The following MAP2 variants were observed in gnomAD, a reference collection of about 807,000 sequenced individuals.
The protein encoded by MAP2 is microtubule associated protein 2.
Under a neutral mutation model 137.6 loss-of-function variants are expected in MAP2, and 14 were observed. That is an observed-to-expected ratio of 0.10 (90% CI 0.07 to 0.16). The LOEUF is 0.16. MAP2 is among the 10% of genes least tolerant of loss of function. The pLI, the probability that MAP2 is intolerant of heterozygous loss-of-function variation, is 1.00. For synonymous variants in MAP2, 786 were observed against 782.3 expected, an observed-to-expected ratio of 1.00 and a Z score of -0.08; for missense variants, 2,088 against 2,191.5, an observed-to-expected ratio of 0.95 and a Z score of 0.94.
chr2:209,470,740 A>G (rs1705474928), intron 1 of MAP2, among the ~76,000 whole-genome samples: 1 of 152,012 alleles, frequency 6.6e-6, no homozygotes, highest in Admixed American at 6.6e-5. Context: ...TGGCTATACT[A>G]ACTCCCAAGT....
intron 1 of MAP2, among the ~76,000 whole-genome samples, chr2:209,436,030 A>ATACAG (rs1553537349): frequency 1.3e-3 from 172 of 136,954 alleles, no homozygotes; most frequent in East Asian, 3.2e-3. Context: ...TATAAAATAT[A>ATACAG]TATATATGTA....
chr2:209,705,707 C>A lies in MAP2; in HGVS notation c.4712C>A (p.Ser1571Tyr). 6.2e-7 allele frequency: 1 copy of A among 1,612,742 alleles called. No homozygotes were observed. The highest frequency in any genetic ancestry group is 8.5e-7 in the Non-Finnish European group (1 of 1,179,184). ...NSFSLNSSIS[S>Y]SARRTTRSEP... ...TTCTCTCTCAACAGTTCTATCTCTT[C>A]TTCAGCACGGCGGACCACCAGTAGG... Residue 1571 changes from serine (S) to tyrosine (Y), a missense_variant, in exon 12 of 16, where the codon TCT (serine) becomes TAT (tyrosine). Ser to Tyr is a moderately radical substitution (Grantham distance 144, BLOSUM62 -2). Around this residue, in one of 6 missense-constraint regions of MAP2, gnomAD observed 591 missense variants for 642.6 expected, o/e 0.92. Coordinates refer to ENST00000682079, the MANE Select transcript of MAP2 (RefSeq NM_001375505.1).
At chr2:209,536,631 G>A (rs756037312) in intron 2 of MAP2, among the ~76,000 whole-genome samples, 13 of 152,158 alleles carry the variant, frequency 8.5e-5, no homozygotes, top group Non-Finnish European at 1.8e-4. Context: ...CCTTGTCTGT[G>A]TCTTGGGTGA....
chr2:209,610,496 G>C (rs2086466956), intron 3 of MAP2, among the ~76,000 whole-genome samples: 1 of 151,466 alleles, frequency 6.6e-6, no homozygotes, highest in Non-Finnish European at 1.5e-5. Context: ...GGCGAAATTT[G>C]CTGGATGATA....
Position 209,692,710 on chromosome 2 carries a change from G to A in MAP2, c.540G>A (p.Lys180=), listed in dbSNP as rs764438689. Residue 180 remains lysine, a synonymous_variant, in exon 8 of 16, where the codon AAG becomes AAA. Transcript: ENST00000682079. ...STAEPSDQKE[K]ESEKQSKPGE... The stretch of plus-strand genomic sequence containing the variant: ...CTGAGCCTTCAGACCAGAAGGAAAA[G>A]GAGTCAGAGAAGCAAAGTAAGCCTG... 6.2e-7 allele frequency: 1 copy of A among 1,613,962 alleles called. No homozygotes were observed. The highest frequency in any genetic ancestry group is 1.7e-5 in the Admixed American group (1 of 59,982).
intron 2 of MAP2, chr2:209,579,530 C>G (rs1267398845): frequency 6.6e-6 from 1 of 152,254 alleles, no homozygotes; most frequent in African/African-American, 2.4e-5. Flanking sequence ...AGTGAGCTCT[C>G]TCCCTCTCTC....
At chr2:209,540,106 A>AG (rs1156725470) in intron 2 of MAP2, among the ~76,000 whole-genome samples, 1 of 141,670 alleles carries the variant, frequency 7.1e-6, no homozygotes, top group Non-Finnish European at 1.5e-5. Flanking sequence ...GTAAAAAAAA[A>AG]AAAAAAAAAA....
At chr2:209,554,414 A>G (rs1029052045) in intron 2 of MAP2, among the ~76,000 whole-genome samples, 16 of 152,150 alleles carry the variant, frequency 1.1e-4, no homozygotes, top group South Asian at 2.1e-4. Flanking sequence ...AGATGTAAGC[A>G]TGGTACCATT....
chr2:209,460,198 GGA>G (rs1457446174), intron 1 of MAP2, among the ~76,000 whole-genome samples: 1 of 152,146 alleles, frequency 6.6e-6, no homozygotes, highest in African/African-American at 2.4e-5. Context: ...AATAAATTCT[GGA>G]ATTATCGTTT....
intron 2 of MAP2, among the ~76,000 whole-genome samples, chr2:209,534,924 A>G (rs1481458364): frequency 1.3e-5 from 2 of 152,190 alleles, no homozygotes; most frequent in Non-Finnish European, 2.9e-5. Flanking sequence ...TTCATATACC[A>G]TATAATTCAC....
intron 3 of MAP2, among the ~76,000 whole-genome samples, chr2:209,606,291 A>G (rs1225641121): frequency 6.6e-6 from 1 of 152,208 alleles, no homozygotes; most frequent in African/African-American, 2.4e-5. Flanking sequence ...ATATAAAAGA[A>G]AAACTTCCAG....
At chr2:209,555,595 T>C (rs2070378707) in intron 2 of MAP2, among the ~76,000 whole-genome samples, 1 of 152,214 alleles carries the variant, frequency 6.6e-6, no homozygotes, top group Non-Finnish European at 1.5e-5. Flanking sequence ...ATTTTCAATA[T>C]GAAGGAGTCA....
intron 2 of MAP2, among the ~76,000 whole-genome samples, chr2:209,558,213 A>G (rs1205372704): frequency 6.6e-6 from 1 of 152,092 alleles, no homozygotes; most frequent in Non-Finnish European, 1.5e-5. Flanking sequence ...TTTTTGAGGT[A>G]GGTCTTGCTC....
At chr2:209,612,271 G>A (rs1233391997) in intron 3 of MAP2, among the ~76,000 whole-genome samples, 1 of 152,140 alleles carries the variant, frequency 6.6e-6, no homozygotes, top group East Asian at 1.9e-4. Context: ...AGAGTGAAAA[G>A]ATAGAAGTTT....
intron 1 of MAP2, among the ~76,000 whole-genome samples, chr2:209,448,292 C>T (rs1289496431): frequency 6.6e-6 from 1 of 152,074 alleles, no homozygotes; most frequent in Non-Finnish European, 1.5e-5. Flanking sequence ...GCTGTTATAA[C>T]CATGAAAAGA....
At chr2:209,723,675 T>G in intron 13 of MAP2, 1 of 1,613,762 alleles carries the variant, frequency 6.2e-7, no homozygotes, top group Non-Finnish European at 8.5e-7. Context: ...AACATTCGGC[T>G]GGGGGCGGAA....
rs1231855792 is a variant in MAP2 at position 209,732,426 on chromosome 2, T to A, written c.*2029T>A. The A allele has an allele frequency of 1.3e-5, 2 of 152,236 alleles. No individual in the cohort carries two copies. The highest frequency in any genetic ancestry group is 3.8e-4 in the East Asian group (2 of 5,198). 9.4% of individuals were successfully genotyped at this position (152,236 alleles called of 1,614,324 possible). On this transcript the variant is annotated 3_prime_UTR_variant, in exon 16 of 16. Coordinates refer to ENST00000682079, the MANE Select transcript of MAP2 (RefSeq NM_001375505.1). ...ATAAATCAGTTATTTTATATGACAG[T>A]CAAAACCTTAGAAACCTTAGGATCA...
chr2:209,476,066 A>C (rs1200216438), intron 1 of MAP2, among the ~76,000 whole-genome samples: 1 of 152,214 alleles, frequency 6.6e-6, no homozygotes, highest in African/African-American at 2.4e-5. Context: ...ATCTTAAAAA[A>C]AAACAAAACA....
At chr2:209,463,906 C>T (rs1404042778) in intron 1 of MAP2, among the ~76,000 whole-genome samples, 1 of 152,024 alleles carries the variant, frequency 6.6e-6, no homozygotes, top group Non-Finnish European at 1.5e-5. Flanking sequence ...TAGGGATTGC[C>T]TTTTAAACTA....
Sources: allele counts gnomAD v4.1 joint callset (sites outside exome capture counted in the v4.1 genomes callset), GRCh38; gene constraint gnomAD v4.1.1; regional missense constraint gnomAD v4.1.1; transcripts MANE v1.5; gene names NCBI Gene and HGNC (gene_info 2026-07-23, HGNC 2026-07-21).